Variants in GLIS3 observed in about 807,000 individuals in gnomAD.
The protein encoded by GLIS3 is GLIS family zinc finger 3.
GLIS3 carries 53 observed loss-of-function variants against 78.6 expected under a neutral mutation model. The observed-to-expected ratio is 0.67, with a 90% CI of 0.54 to 0.85. The LOEUF (loss-of-function observed/expected upper bound fraction) is 0.85. Among genes scored for constraint, GLIS3 ranks in the 40% least tolerant of loss-of-function variants. The pLI is 0.00. For missense variants in GLIS3, 1,703 were observed against 1,231.1 expected (o/e 1.38, Z -5.74); for synonymous variants, 684 against 509.9 (o/e 1.34, Z -4.60).
the GLIS3 span, among the ~76,000 whole-genome samples, chr9:4,389,647 T>A: frequency 1.3e-5 from 2 of 152,202 alleles, no homozygotes; most frequent in African/African-American, 2.4e-5. Context: ...TGCTAACTTC[T>A]GCCCAAGACA....
At chr9:4,206,917 A>G (rs955858464) in intron 2 of GLIS3, among the ~76,000 whole-genome samples, 1 of 152,214 alleles carries the variant, frequency 6.6e-6, no homozygotes, top group East Asian at 1.9e-4. Flanking sequence ...GACGAAGTCC[A>G]TGATACTGAC....
At chr9:4,192,533 G>C (rs1818419671) in intron 2 of GLIS3, among the ~76,000 whole-genome samples, 1 of 152,256 alleles carries the variant, frequency 6.6e-6, no homozygotes, top group African/African-American at 2.4e-5. Context: ...GTTTCAACCT[G>C]TGAACTCACC....
chr9:4,291,079 G>C (rs979125619), intron 1 of GLIS3, among the ~76,000 whole-genome samples: 4 of 152,146 alleles, frequency 2.6e-5, no homozygotes, highest in Non-Finnish European at 4.4e-5. Flanking sequence ...GGAGCAGAAA[G>C]TTAGGGAGGT....
the GLIS3 span, among the ~76,000 whole-genome samples, chr9:4,360,359 C>T: frequency 2.6e-5 from 4 of 152,262 alleles, no homozygotes; most frequent in South Asian, 8.3e-4. Flanking sequence ...TGAAACCCTC[C>T]CAGCCAAAGT....
chr9:4,134,586 T>A (rs570337407), intron 2 of GLIS3, among the ~76,000 whole-genome samples: 1 of 152,310 alleles, frequency 6.6e-6, no homozygotes, highest in East Asian at 1.9e-4. Flanking sequence ...ATATATGATG[T>A]GCCTGCTCAG....
intron 7 of GLIS3, among the ~76,000 whole-genome samples, chr9:3,888,361 C>T (rs1822214869): frequency 6.6e-6 from 1 of 152,194 alleles, no homozygotes; most frequent in Non-Finnish European, 1.5e-5. Context: ...CTGAGACAAT[C>T]CCACCCACTC....
chr9:4,447,132 C>A, the GLIS3 span, among the ~76,000 whole-genome samples: 1 of 152,060 alleles, frequency 6.6e-6, no homozygotes, highest in South Asian at 2.1e-4. Context: ...ACTGCAGCAT[C>A]AAACTCCTGG....
chr9:4,052,982 G>A (rs1825846755), intron 4 of GLIS3, among the ~76,000 whole-genome samples: 1 of 152,062 alleles, frequency 6.6e-6, no homozygotes, highest in Non-Finnish European at 1.5e-5. Context: ...GAGTCTCGCT[G>A]TGTTGCCCAG....
At chr9:4,033,054 C>T (rs1045401357) in intron 4 of GLIS3, among the ~76,000 whole-genome samples, 4 of 152,110 alleles carry the variant, frequency 2.6e-5, no homozygotes, top group South Asian at 2.1e-4. Flanking sequence ...GGGGTTTCAC[C>T]GGGTTAGCCA....
At chr9:4,172,252 G>C (rs980633262) in intron 2 of GLIS3, among the ~76,000 whole-genome samples, 19 of 152,074 alleles carry the variant, frequency 1.2e-4, no homozygotes, top group Non-Finnish European at 2.1e-4. Flanking sequence ...TTCTTTTCCA[G>C]GGTAGTGGCT....
chr9:4,255,933 T>A (rs1824892043), intron 2 of GLIS3, among the ~76,000 whole-genome samples: 1 of 152,192 alleles, frequency 6.6e-6, no homozygotes, highest in Non-Finnish European at 1.5e-5. Context: ...ATGTTGATAA[T>A]GGCGAATGCT....
At chr9:4,245,581 A>C (rs1295859501) in intron 2 of GLIS3, among the ~76,000 whole-genome samples, 2 of 152,228 alleles carry the variant, frequency 1.3e-5, no homozygotes, top group African/African-American at 4.8e-5. Context: ...TTTTTCTTAA[A>C]TGAGTGAGTA....
At chr9:4,181,722 A>C (rs1422044075) in intron 2 of GLIS3, among the ~76,000 whole-genome samples, 1 of 152,220 alleles carries the variant, frequency 6.6e-6, no homozygotes, top group Non-Finnish European at 1.5e-5. Flanking sequence ...ATGCAGAGGA[A>C]GGGACTTGAA....
intron 2 of GLIS3, among the ~76,000 whole-genome samples, chr9:4,248,130 G>A (rs1421148378): frequency 3.3e-5 from 5 of 152,118 alleles, no homozygotes; most frequent in South Asian, 2.1e-4. Context: ...GGATGCATGT[G>A]CAGAACGTCC....
chr9:3,866,727 AC>A (rs1820614675), intron 8 of GLIS3, among the ~76,000 whole-genome samples: 1 of 152,228 alleles, frequency 6.6e-6, no homozygotes, highest in Admixed American at 6.5e-5. Context: ...CAGAGGCCGT[AC>A]CATACAGGGT....
At chr9:4,454,811 G>A in the GLIS3 span, among the ~76,000 whole-genome samples, 1 of 152,140 alleles carries the variant, frequency 6.6e-6, no homozygotes, top group Admixed American at 6.5e-5. Flanking sequence ...ATAGTTGGAG[G>A]TGATACATTT....
intron 2 of GLIS3, among the ~76,000 whole-genome samples, chr9:4,213,883 G>A (rs1022480948): frequency 1.3e-5 from 2 of 151,116 alleles, no homozygotes; most frequent in African/African-American, 2.4e-5. Context: ...CTGCTTTTGT[G>A]GAGGTTATGC....
At chr9:4,437,572 C>G in the GLIS3 span, among the ~76,000 whole-genome samples, 2 of 152,288 alleles carry the variant, frequency 1.3e-5, no homozygotes, top group South Asian at 4.1e-4. Context: ...TGGCAGCTGG[C>G]CCAAAGTCGC....
the GLIS3 span, among the ~76,000 whole-genome samples, chr9:4,460,551 T>A: frequency 6.7e-6 from 1 of 150,230 alleles, no homozygotes; most frequent in South Asian, 2.1e-4. Context: ...AAAAACACAA[T>A]TCCCCCCACC....
Sources: gnomAD v4.1 joint callset for allele counts (sites outside exome capture counted in the v4.1 genomes callset) on GRCh38, gnomAD v4.1.1 for gene constraint, MANE v1.5 for transcripts, NCBI Gene and HGNC (gene_info 2026-07-23, HGNC 2026-07-21) for gene names.